GABBR2: variants seen among roughly 807,000 people sequenced by gnomAD.
GABBR2 encodes the protein gamma-aminobutyric acid type B receptor subunit 2, also known as G-protein coupled receptor 51.
A neutral mutation model predicts 105.6 loss-of-function variants in GABBR2; 23 were observed. The ratio of observed to expected loss-of-function variants is 0.22; its 90% CI spans 0.16 to 0.31. The LOEUF (loss-of-function observed/expected upper bound fraction) is 0.31. Ranked by LOEUF, GABBR2 falls within the 10% of genes least tolerant of loss-of-function variation. The probability of loss-of-function intolerance (pLI) is 1.00; values close to 1 mark genes in which losing one functional copy is unlikely to be tolerated. For missense variants in GABBR2, 734 were observed against 1,245.5 expected (o/e 0.59, Z 6.18); for synonymous variants, 478 against 499.7 (o/e 0.96, Z 0.58).
intron 3 of GABBR2, among the ~76,000 whole-genome samples, chr9:98,532,656 C>CA (rs1828089297): frequency 6.6e-6 from 1 of 152,188 alleles, no homozygotes; most frequent in Non-Finnish European, 1.5e-5. Flanking sequence ...GTGGTTCTCA[C>CA]ACTCTAGCTG....
At chr9:98,646,226 A>C (rs1830027735) in intron 1 of GABBR2, among the ~76,000 whole-genome samples, 1 of 152,196 alleles carries the variant, frequency 6.6e-6, no homozygotes, top group South Asian at 2.1e-4. Flanking sequence ...TATGGTTCCT[A>C]CTAAACACCT....
intron 13 of GABBR2, among the ~76,000 whole-genome samples, chr9:98,355,906 C>T (rs559055425): frequency 4.4e-4 from 67 of 152,312 alleles, no homozygotes; most frequent in African/African-American, 1.5e-3. Context: ...AATACACCCA[C>T]ACAAACACAG....
At position 98,473,468 on chromosome 9, in the gene GABBR2, CTT is replaced by C. The variant is rs888199958; in HGVS notation, c.799-124_799-123del. On this transcript the variant is annotated intron_variant, in intron 5 of 18. Coordinates refer to ENST00000259455, the MANE Select transcript of GABBR2 (RefSeq NM_005458.8). ...AGAGGATTTAGGAAATGTTTAATTA[CTT>C]GTTTGGTTTCTTCCTTGCTATTTAT... 6 of 639,480 alleles carry C rather than the reference CTT, an allele frequency of 9.4e-6. No individual in the cohort carries two copies. In the African/African-American group the frequency reaches 1.1e-4, roughly 12 times the overall value. The allele number at this position is 639,480 out of a possible 1,614,324, so 39.6% of individuals were successfully genotyped here.
intron 7 of GABBR2, among the ~76,000 whole-genome samples, chr9:98,444,811 C>G (rs1826094437): frequency 6.6e-6 from 1 of 152,152 alleles, no homozygotes; most frequent in South Asian, 2.1e-4. Flanking sequence ...AGTTTTTATG[C>G]TGCCTCAGGA....
At chr9:98,564,282 G>A (rs1012793909) in intron 2 of GABBR2, among the ~76,000 whole-genome samples, 5 of 152,190 alleles carry the variant, frequency 3.3e-5, no homozygotes, top group Non-Finnish European at 5.9e-5. Context: ...AGGCCTTCGG[G>A]AGACCTCACC....
intron 17 of GABBR2, among the ~76,000 whole-genome samples, chr9:98,294,174 T>C (rs1223045748): frequency 6.6e-6 from 1 of 151,960 alleles, no homozygotes; most frequent in Non-Finnish European, 1.5e-5. Flanking sequence ...AAGGGGAAAA[T>C]CAAGTCGACT....
intron 7 of GABBR2, among the ~76,000 whole-genome samples, chr9:98,441,924 TTAAAA>T (rs1231921536): frequency 6.6e-6 from 1 of 152,108 alleles, no homozygotes; most frequent in Non-Finnish European, 1.5e-5. Context: ...GATAAAGAAA[TTAAAA>T]TAAAAAGGAT....
At chr9:98,635,981 C>T (rs1210237891) in intron 1 of GABBR2, among the ~76,000 whole-genome samples, 1 of 152,144 alleles carries the variant, frequency 6.6e-6, no homozygotes, top group East Asian at 1.9e-4. Flanking sequence ...GTTCTGACTC[C>T]ATGCATCAAA....
chr9:98,366,168 C>A (rs576660141), intron 12 of GABBR2, among the ~76,000 whole-genome samples: 1 of 152,196 alleles, frequency 6.6e-6, no homozygotes, highest in Non-Finnish European at 1.5e-5. Flanking sequence ...ATTTGCACAT[C>A]CCACACTAGA....
chr9:98,503,536 G>A (rs888469989), intron 3 of GABBR2, among the ~76,000 whole-genome samples: 6 of 152,124 alleles, frequency 3.9e-5, no homozygotes, highest in Non-Finnish European at 8.8e-5. Context: ...GCAATGGTCC[G>A]GGAGAGGGAT....
At chr9:98,506,503 C>T (rs1469680104) in intron 3 of GABBR2, among the ~76,000 whole-genome samples, 2 of 152,162 alleles carry the variant, frequency 1.3e-5, no homozygotes, top group Non-Finnish European at 2.9e-5. Context: ...GATGAGGCAA[C>T]TTCGCAAGGG....
At chr9:98,594,783 T>C (rs1212453891) in intron 1 of GABBR2, among the ~76,000 whole-genome samples, 5 of 152,198 alleles carry the variant, frequency 3.3e-5, no homozygotes, top group Non-Finnish European at 5.9e-5. Context: ...TCCCTTTGTA[T>C]AACAGGGAAG....
At chr9:98,633,555 T>C (rs7019309) in intron 1 of GABBR2, among the ~76,000 whole-genome samples, 12,148 of 128,722 alleles carry the variant, frequency 0.094, 509 homozygotes, top group African/African-American at 0.11. Context: ...AACCCGGAGG[T>C]GGAGGTTACA....
chr9:98,413,561 A>G (rs1348890293), intron 7 of GABBR2, among the ~76,000 whole-genome samples: 1 of 152,154 alleles, frequency 6.6e-6, no homozygotes, highest in Non-Finnish European at 1.5e-5. Flanking sequence ...AGCCTTCAGG[A>G]ATGTTTGATG....
At chr9:98,440,367 C>G (rs1251850262) in intron 7 of GABBR2, among the ~76,000 whole-genome samples, 4 of 152,166 alleles carry the variant, frequency 2.6e-5, no homozygotes, top group African/African-American at 9.7e-5. Flanking sequence ...AGATTGATTC[C>G]TTGCTCAAGT....
chr9:98,309,832 C>T (rs1830609000), intron 14 of GABBR2, among the ~76,000 whole-genome samples: 2 of 152,212 alleles, frequency 1.3e-5, no homozygotes, highest in Admixed American at 6.5e-5. Flanking sequence ...AAAAGGGTGT[C>T]AACTGGTATG....
Position 98,411,814 on chromosome 9 carries a change from T to A in GABBR2, c.1237-5673A>T, listed in dbSNP as rs775949341. ...TCAAACTCCCGGCCTCAAATGATCATCCCACCTCGGCTCCCCTGAAAAGTG... is the reference window on the plus strand; with the variant it reads ...TCAAACTCCCGGCCTCAAATGATCAACCCACCTCGGCTCCCCTGAAAAGTG... On this transcript the variant is annotated intron_variant, in intron 7 of 18. Transcript: ENST00000259455. 3.7e-4 allele frequency among the ~76,000 whole-genome samples: 57 copies of A among 152,256 alleles called. 1 individual carries two copies. Among genetic ancestry groups the A allele is most frequent in the Middle Eastern group, 6.8e-3 (2 of 294 alleles).
chr9:98,512,361 C>T (rs1176732568), intron 3 of GABBR2, among the ~76,000 whole-genome samples: 1 of 150,706 alleles, frequency 6.6e-6, no homozygotes, highest in Non-Finnish European at 1.5e-5. Context: ...ACAGGGATGC[C>T]CTCTCTCACC....
intron 3 of GABBR2, among the ~76,000 whole-genome samples, chr9:98,513,653 A>G (rs982412266): frequency 2.6e-5 from 4 of 152,362 alleles, no homozygotes; most frequent in African/African-American, 9.6e-5. Context: ...AACACATGAA[A>G]AAATGCTCAT....
Sources: gnomAD v4.1 joint callset for allele counts (sites outside exome capture counted in the v4.1 genomes callset) on GRCh38, gnomAD v4.1.1 for gene constraint, MANE v1.5 for transcripts, NCBI Gene and HGNC (gene_info 2026-07-23, HGNC 2026-07-21) for gene names.